Variants in IL10RB observed in about 807,000 individuals in gnomAD.
The protein encoded by IL10RB is interleukin-10 receptor subunit beta.
IL10RB carries 30 observed loss-of-function variants against 38.7 expected under a neutral mutation model. The observed-to-expected ratio is 0.78, with a 90% CI of 0.58 to 1.05. IL10RB has a LOEUF of 1.05. IL10RB is among the 50% of genes least tolerant of loss of function. The pLI is 0.00. For missense variants in IL10RB, 328 were observed against 397.1 expected, an observed-to-expected ratio of 0.83 and a Z score of 1.48; for synonymous variants, 142 against 145.9, an observed-to-expected ratio of 0.97 and a Z score of 0.19.
intron 2 of IL10RB, among the ~76,000 whole-genome samples, chr21:33,268,789 A>G (rs563767731): frequency 2.0e-5 from 3 of 152,342 alleles, no homozygotes; most frequent in East Asian, 1.9e-4. Flanking sequence ...GTATGTAGAT[A>G]TAATCAGCCA....
intron 6 of IL10RB, among the ~76,000 whole-genome samples, chr21:33,292,327 G>A (rs142583644): frequency 7.4e-4 from 112 of 152,298 alleles, no homozygotes; most frequent in Non-Finnish European, 1.3e-3. Flanking sequence ...GTGCAGCAGC[G>A]GGCCACTTTC....
rs1269352420 is a variant in IL10RB, at chr21:33,276,616, A to G, written c.194A>G (p.Lys65Arg). Residue 65 changes from lysine to arginine, a missense_variant, in exon 3 of 7, where the codon AAA becomes AGA. By Grantham distance (26) the Lys-to-Arg change is conservative (BLOSUM62 2). Transcript: ENST00000290200. ...QYLSYRIFQD[K>R]CMNTTLTECD... Reference sequence around the variant, plus strand: ...TGTAGTTATAGGATATTCCAAGATAAATGCATGAATACTACCTTGACGGAA... The same window carrying G: ...TGTAGTTATAGGATATTCCAAGATAGATGCATGAATACTACCTTGACGGAA... The G allele has an allele frequency of 1.2e-6, 2 of 1,613,364 alleles. No individual in the cohort carries two copies. The highest frequency in any genetic ancestry group is 1.7e-6 in the Non-Finnish European group (2 of 1,179,274).
intron 6 of IL10RB, among the ~76,000 whole-genome samples, chr21:33,294,441 T>G (rs1020718213): frequency 6.6e-6 from 1 of 151,816 alleles, no homozygotes; most frequent in Non-Finnish European, 1.5e-5. Context: ...ACTGCTTCCT[T>G]GAGATTTAAT....
chr21:33,291,878 G>A (rs553961017), intron 6 of IL10RB, among the ~76,000 whole-genome samples: 110 of 152,268 alleles, frequency 7.2e-4, no homozygotes, highest in African/African-American at 2.3e-3. Context: ...CTACCCAGCC[G>A]TGGGAGTGGG....
At chr21:33,288,979 C>A (rs979172703) in intron 6 of IL10RB, among the ~76,000 whole-genome samples, 2 of 152,148 alleles carry the variant, frequency 1.3e-5, no homozygotes, top group African/African-American at 4.8e-5. Flanking sequence ...GGGAATAATA[C>A]CCTAAAGGAG....
chr21:33,309,813 CT>C (rs777382515), exon 2 of IL10RB: 11 of 152,162 alleles, frequency 7.2e-5, no homozygotes, highest in Non-Finnish European at 1.5e-4. Flanking sequence ...TGTTGCATTG[CT>C]TATTAATATC....
At chr21:33,307,696 C>T (rs2083002211) in intron 1 of IL10RB, among the ~76,000 whole-genome samples, 1 of 152,242 alleles carries the variant, frequency 6.6e-6, no homozygotes, top group African/African-American at 2.4e-5. Context: ...ACACAGCCCT[C>T]TCCTTGTGTC....
At chr21:33,286,097 T>C (rs536595652) in intron 5 of IL10RB, among the ~76,000 whole-genome samples, 3 of 151,298 alleles carry the variant, frequency 2.0e-5, no homozygotes, top group Non-Finnish European at 4.4e-5. Flanking sequence ...GGCCATGGGG[T>C]TGGGGGCGGC....
chr21:33,288,304 G>A (rs1403558044), intron 6 of IL10RB, 43 bp downstream of exon 6: 6 of 1,581,850 alleles, frequency 3.8e-6, no homozygotes, highest in East Asian at 2.2e-5. Flanking sequence ...AACCTTGATC[G>A]GAAAGAGCTT....
At position 33,296,307 on chromosome 21, in the gene IL10RB, G is replaced by C. The variant is rs753016855; in HGVS notation, c.928G>C (p.Gly310Arg). Residue 310 changes from glycine to arginine, a missense_variant, in exon 7 of 7, where the codon GGT becomes CGT. Transcript: ENST00000290200. ...EDSESGKQNP[G>R]DSCSLGTPPG... ...CTCTGAGAGCGGCAAGCAGAATCCT[G>C]GTGACAGCTGCAGCCTCGGGACCCC... 1.9e-6 allele frequency: 3 copies of C among 1,614,116 alleles called. No homozygotes were observed. Among genetic ancestry groups the C allele is most frequent in the Admixed American group, 1.7e-5 (1 of 60,016 alleles).
intron 5 of IL10RB, 101 bp from the exon 6 acceptor site, chr21:33,288,001 ACG>A (rs1989406348): frequency 1.8e-6 from 2 of 1,124,326 alleles, no homozygotes; most frequent in African/African-American, 3.1e-5. Flanking sequence ...CCCAAGATAA[ACG>A]TACAGGCTCT....
intron 2 of IL10RB, among the ~76,000 whole-genome samples, chr21:33,269,427 G>A (rs1027139756): frequency 5.9e-5 from 9 of 152,246 alleles, no homozygotes; most frequent in Admixed American, 6.5e-5. Context: ...CTTCAGTGAG[G>A]CAGGAGGAAA....
chr21:33,292,705 C>T (rs1413421388), intron 6 of IL10RB, among the ~76,000 whole-genome samples: 2 of 152,158 alleles, frequency 1.3e-5, no homozygotes, highest in South Asian at 2.1e-4. Context: ...CCAGAACTCT[C>T]GTATCTATGT....
intron 1 of IL10RB, among the ~76,000 whole-genome samples, chr21:33,303,964 G>T (rs977685928): frequency 2.6e-5 from 4 of 152,160 alleles, no homozygotes; most frequent in Non-Finnish European, 4.4e-5. Context: ...GGCTTGGGAG[G>T]AAATGAGTAG....
intron 1 of IL10RB, chr21:33,267,892 G>A (rs1406198690): frequency 1.3e-5 from 3 of 237,504 alleles, no homozygotes; most frequent in Non-Finnish European, 1.7e-5. Context: ...TGTGACCTCT[G>A]GGCTCATTCA....
intron 5 of IL10RB, among the ~76,000 whole-genome samples, chr21:33,286,469 AC>A (rs1376385288): frequency 2.0e-5 from 3 of 152,174 alleles, no homozygotes; most frequent in Middle Eastern, 6.3e-3. Flanking sequence ...ACCACGAGCA[AC>A]CCAGGTGACA....
Position 33,288,092 on chromosome 21 carries a change from T to C in IL10RB, c.647-12T>C, listed in dbSNP as rs1168358248. 5 of 1,613,792 alleles carry C rather than the reference T, an allele frequency of 3.1e-6. No individual in the cohort carries two copies. Among genetic ancestry groups the C allele is most frequent in the Middle Eastern group, 1.6e-4 (1 of 6,062 alleles). On this transcript the variant is annotated splice_polypyrimidine_tract_variant and intron_variant, in intron 5 of 6. Coordinates refer to ENST00000290200, the MANE Select transcript of IL10RB (RefSeq NM_000628.5). ...TGTGACAAGAATGTAACATGCCCAT[T>C]ACCCCTGGCAGAAACGGTCCCCTCC...
intron 2 of IL10RB, among the ~76,000 whole-genome samples, chr21:33,272,584 C>T (rs1235585458): frequency 6.6e-6 from 1 of 152,172 alleles, no homozygotes; most frequent in African/African-American, 2.4e-5. Flanking sequence ...GTAGCTGGGA[C>T]TACAGGCGCA....
chr21:33,308,523 A>C (rs984570758), intron 1 of IL10RB: 1 of 152,258 alleles, frequency 6.6e-6, no homozygotes, highest in Non-Finnish European at 1.5e-5. Context: ...CATCTATAGA[A>C]GTAGAAAATT....
Sources: gnomAD v4.1 joint callset for allele counts (sites outside exome capture counted in the v4.1 genomes callset) on GRCh38, gnomAD v4.1.1 for gene constraint, MANE v1.5 for transcripts, NCBI Gene and HGNC (gene_info 2026-07-23, HGNC 2026-07-21) for gene names.